Variants in MTCL1 observed in about 807,000 individuals in gnomAD.
MTCL1 encodes microtubule crosslinking factor 1.
In MTCL1, 79 loss-of-function variants were observed where a neutral mutation model predicts 141.4. That is an observed-to-expected ratio of 0.56 (90% CI 0.47 to 0.67). The LOEUF (loss-of-function observed/expected upper bound fraction) is 0.67. Among genes scored for constraint, MTCL1 ranks in the 30% least tolerant of loss-of-function variants. The probability of loss-of-function intolerance (pLI) is 0.00; values close to 1 mark genes in which losing one functional copy is unlikely to be tolerated. For missense variants in MTCL1, 2,177 were observed against 2,113.9 expected (o/e 1.03, Z -0.59); for synonymous variants, 914 against 875.8 (o/e 1.04, Z -0.77).
intron 7 of MTCL1, among the ~76,000 whole-genome samples, chr18:8,790,844 A>C (rs537476831): frequency 1.3e-5 from 2 of 152,170 alleles, no homozygotes; most frequent in African/African-American, 4.8e-5. Flanking sequence ...GTGAAACCCT[A>C]TCTCTACTAA....
chr18:8,776,635 C>G (rs2096510091), intron 4 of MTCL1, among the ~76,000 whole-genome samples: 1 of 152,174 alleles, frequency 6.6e-6, no homozygotes, highest in Admixed American at 6.5e-5. Context: ...CTGAGAATTT[C>G]AAAACCTAGT....
chr18:8,786,384 G>T (rs996473907), intron 7 of MTCL1: 2 of 637,348 alleles, frequency 3.1e-6, no homozygotes, highest in Non-Finnish European at 5.8e-6. Context: ...GCTGATTGGT[G>T]AGTGCGCAGT....
chr18:8,768,226 C>G (rs982749277), intron 4 of MTCL1, among the ~76,000 whole-genome samples: 1 of 152,196 alleles, frequency 6.6e-6, no homozygotes. Flanking sequence ...TCTTTTTATT[C>G]ATTTACCCAT....
At chr18:8,729,134 C>G (rs1340505083) in intron 4 of MTCL1, among the ~76,000 whole-genome samples, 2 of 151,990 alleles carry the variant, frequency 1.3e-5, no homozygotes, top group African/African-American at 4.8e-5. Context: ...GCCTGGACCT[C>G]CTTGGGCTCA....
intron 6 of MTCL1, 45 bp from the exon 6 acceptor site, chr18:8,785,887 TAAAA>T (rs1370404841): frequency 1.3e-6 from 2 of 1,524,300 alleles, no homozygotes; most frequent in Admixed American, 2.2e-5. Context: ...TTTTTTTGTT[TAAAA>T]TTTTAAAGAA....
chr18:8,813,132 A>G, exon 12 of MTCL1: 1 of 1,614,186 alleles, frequency 6.2e-7, no homozygotes, highest in Non-Finnish European at 8.5e-7. Context: ...TCACAGCGAG[A>G]AGAACTGGAA....
In MTCL1 at chr18:8,830,970, T is replaced by A. The variant is rs1189267986; in HGVS notation, c.*19-637T>A. On this transcript the variant is annotated intron_variant, in intron 16 of 16. Coordinates refer to ENST00000359865, the Ensembl canonical transcript of MTCL1. The surrounding 1 kb of genome is among the most constrained non-coding windows in gnomAD (Gnocchi z 6.4). ...CCAGTACATTCTGATTCTACCTTTTTAAAATGCTGCTGCAATTGAACAGTC... is the reference window on the plus strand; with the variant it reads ...CCAGTACATTCTGATTCTACCTTTTAAAAATGCTGCTGCAATTGAACAGTC... The A allele has an allele frequency of 1.0e-6, 1 of 985,762 alleles. No individual in the cohort carries two copies. Among genetic ancestry groups the A allele is most frequent in the Admixed American group, 6.1e-5 (1 of 16,312 alleles). 61.1% of individuals were successfully genotyped at this position (985,762 alleles called of 1,614,324 possible).
chr18:8,708,109 G>T (rs1327623173), intron 1 of MTCL1, among the ~76,000 whole-genome samples: 2 of 152,236 alleles, frequency 1.3e-5, no homozygotes, highest in Non-Finnish European at 2.9e-5. Context: ...CATCATGAAA[G>T]CAGCTCTTTT....
chr18:8,728,610 C>T (rs942142800), intron 4 of MTCL1, among the ~76,000 whole-genome samples: 3 of 151,832 alleles, frequency 2.0e-5, no homozygotes, highest in Admixed American at 6.6e-5. Context: ...ATTCTCACTC[C>T]GAATAGTGTT....
chr18:8,768,034 T>C (rs1294299074), intron 4 of MTCL1, among the ~76,000 whole-genome samples: 1 of 152,232 alleles, frequency 6.6e-6, no homozygotes, highest in Non-Finnish European at 1.5e-5. Context: ...CACAATATTA[T>C]ATTAACTTTT....
At chr18:8,813,807 C>T (rs1254322362) in intron 12 of MTCL1, among the ~76,000 whole-genome samples, 1 of 152,118 alleles carries the variant, frequency 6.6e-6, no homozygotes, top group African/African-American at 2.4e-5. Context: ...ACAAACAATT[C>T]AGAAACTCAG....
upstream of MTCL1, among the ~76,000 whole-genome samples, chr18:8,714,286 T>C (rs2096112584): frequency 6.6e-6 from 1 of 152,206 alleles, no homozygotes. Context: ...GTCTATCAAC[T>C]GCATAATGTG....
At chr18:8,811,836 A>C (rs1219803951) in intron 11 of MTCL1, among the ~76,000 whole-genome samples, 4 of 152,222 alleles carry the variant, frequency 2.6e-5, no homozygotes, top group Non-Finnish European at 5.9e-5. Context: ...ATTTGTTAAA[A>C]TTGTGCACTT....
At chr18:8,719,494 T>G (rs2096153195) in intron 3 of MTCL1, among the ~76,000 whole-genome samples, 1 of 152,232 alleles carries the variant, frequency 6.6e-6, no homozygotes, top group South Asian at 2.1e-4. Flanking sequence ...TCAAATGGTT[T>G]ACCACACCAG....
chr18:8,823,035 A>AAGATAGAT (rs533874740), intron 14 of MTCL1, among the ~76,000 whole-genome samples: 1 of 151,882 alleles, frequency 6.6e-6, no homozygotes, highest in Non-Finnish European at 1.5e-5. Context: ...AAAAAAAAAA[A>AAGATAGAT]AGATAGATAG....
intron 4 of MTCL1, among the ~76,000 whole-genome samples, chr18:8,769,603 A>C (rs2096476301): frequency 6.6e-6 from 1 of 152,156 alleles, no homozygotes; most frequent in Non-Finnish European, 1.5e-5. Flanking sequence ...CATGTGCAGG[A>C]GAAAGTGGCA....
chr18:8,720,417 A>G lies in MTCL1; in HGVS notation c.278A>G (p.Asn93Ser). ...AAGCGCGCTAAAGCTGAGGATGAAA[A>G]CGAAACTCTCCGACAGCAGATGATT... Residue 93 changes from asparagine to serine, a missense_variant, in exon 4 of 17, where the codon AAC becomes AGC. By Grantham distance (46) the Asn-to-Ser change is conservative. Coordinates refer to ENST00000359865, the Ensembl canonical transcript of MTCL1. 2.5e-6 allele frequency: 4 copies of G among 1,614,062 alleles called. No homozygotes were observed. In the East Asian group the frequency reaches 8.9e-5, roughly 36 times the overall value.
chr18:8,809,838 A>G (rs2076422280), intron 11 of MTCL1: 3 of 492,358 alleles, frequency 6.1e-6, no homozygotes, highest in South Asian at 4.9e-5. Context: ...CTGGGACTTG[A>G]AAAGGGCTGG....
chr18:8,793,967 C>T (rs1029940832), intron 8 of MTCL1, among the ~76,000 whole-genome samples: 1 of 152,206 alleles, frequency 6.6e-6, no homozygotes, highest in Non-Finnish European at 1.5e-5. Context: ...GGGTCACAAA[C>T]TGATTAAGGG....
Sources: allele counts gnomAD v4.1 joint callset (sites outside exome capture counted in the v4.1 genomes callset), GRCh38; gene constraint gnomAD v4.1.1; non-coding constraint Gnocchi (gnomAD v3.1); transcripts MANE v1.5; gene names NCBI Gene and HGNC (gene_info 2026-07-23, HGNC 2026-07-21).